Variants in ALK observed in about 807,000 individuals in gnomAD.
ALK encodes ALK tyrosine kinase receptor.
A neutral mutation model predicts 163.1 loss-of-function variants in ALK; 74 were observed. The observed-to-expected ratio is 0.45, with a 90% CI of 0.38 to 0.55. ALK has a LOEUF of 0.55. ALK is among the 20% of genes least tolerant of loss of function. The probability of loss-of-function intolerance (pLI) is 0.00; values close to 1 mark genes in which losing one functional copy is unlikely to be tolerated. For synonymous variants in ALK, 960 were observed against 843.2 expected, an observed-to-expected ratio of 1.14 and a Z score of -2.40; for missense variants, 2,063 against 2,105.3, an observed-to-expected ratio of 0.98 and a Z score of 0.39.
intron 1 of ALK, among the ~76,000 whole-genome samples, chr2:29,828,371 T>G (rs979988685): frequency 6.6e-6 from 1 of 151,932 alleles, no homozygotes; most frequent in African/African-American, 2.4e-5. Flanking sequence ...ACCATCAGAG[T>G]GAACAGGCAA....
rs573553266 is a variant in ALK at position 29,846,077 on chromosome 2, T to G, written c.667+73916A>C. Among the ~76,000 whole-genome samples, 3 of 152,352 alleles carry G rather than the reference T, an allele frequency of 2.0e-5. No homozygotes were observed. In the East Asian group the frequency reaches 5.8e-4, roughly 29 times the overall value. On this transcript the variant is annotated intron_variant, in intron 1 of 28. Transcript: ENST00000389048. ...TAAAAAAGAAATCTGGTTTTGGGCT[T>G]GGGAGTGTGATGTTCTGTGATCAGC...
At chr2:29,515,554 C>T (rs1313869446) in intron 4 of ALK, among the ~76,000 whole-genome samples, 4 of 151,582 alleles carry the variant, frequency 2.6e-5, no homozygotes, top group Admixed American at 1.3e-4. Context: ...AAGACCTCAC[C>T]AAGATGGTAG....
chr2:29,404,687 A>G (rs193094015), intron 4 of ALK, among the ~76,000 whole-genome samples: 32 of 152,352 alleles, frequency 2.1e-4, no homozygotes, highest in Admixed American at 1.2e-3. Context: ...TACTGGACAG[A>G]GATGATGAGA....
intron 11 of ALK, among the ~76,000 whole-genome samples, chr2:29,263,766 C>G (rs1665145798): frequency 6.6e-6 from 1 of 152,154 alleles, no homozygotes; most frequent in African/African-American, 2.4e-5. Flanking sequence ...GAAGAAAAGG[C>G]CAAGAGGATC....
intron 4 of ALK, among the ~76,000 whole-genome samples, chr2:29,460,819 A>G (rs1053697663): frequency 1.3e-5 from 2 of 152,264 alleles, no homozygotes; most frequent in South Asian, 2.1e-4. Context: ...AGGAAGCGTC[A>G]TATGTCTTTA....
intron 3 of ALK, among the ~76,000 whole-genome samples, chr2:29,562,160 G>A (rs1046818195): frequency 6.6e-6 from 1 of 152,188 alleles, no homozygotes. Context: ...GGTGGGTGCC[G>A]TCTGTGGCTT....
intron 8 of ALK, among the ~76,000 whole-genome samples, chr2:29,310,241 CT>C (rs1573215576): frequency 1.3e-5 from 2 of 152,206 alleles, no homozygotes; most frequent in East Asian, 3.9e-4. Context: ...AGCAGGGTGA[CT>C]TTGGGCAGTC....
rs114564083 is a variant in ALK at position 29,741,234 on chromosome 2, G to C, written c.668-23537C>G. ...TAAATAGGTGGACCACAGAGGATTT[G>C]GGGGGCAATGAAACTACTCTCTATG... On this transcript the variant is annotated intron_variant, in intron 1 of 28. Coordinates refer to ENST00000389048, the MANE Select transcript of ALK (RefSeq NM_004304.5). Among the ~76,000 whole-genome samples, 1,330 of 152,226 alleles carry C rather than the reference G, an allele frequency of 8.7e-3. 19 individuals carry two copies. The highest frequency in any genetic ancestry group is 0.03 in the African/African-American group (1,241 of 41,534).
intron 3 of ALK, among the ~76,000 whole-genome samples, chr2:29,578,222 T>C (rs1250001398): frequency 3.3e-5 from 5 of 152,048 alleles, no homozygotes; most frequent in African/African-American, 1.2e-4. Flanking sequence ...TGCCTGCTGC[T>C]GTTCATGTAA....
intron 1 of ALK, among the ~76,000 whole-genome samples, chr2:29,735,748 C>A (rs1034137575): frequency 1.3e-5 from 2 of 151,988 alleles, no homozygotes; most frequent in Non-Finnish European, 2.9e-5. Context: ...GGAGCTTTTC[C>A]CCCTTTGCTC....
At chr2:29,582,316 G>A (rs1441963138) in intron 3 of ALK, among the ~76,000 whole-genome samples, 1 of 152,188 alleles carries the variant, frequency 6.6e-6, no homozygotes, top group Non-Finnish European at 1.5e-5. Context: ...CTACAAGAAT[G>A]GGTATCTCAC....
chr2:29,475,085 A>G (rs972487973), intron 4 of ALK, among the ~76,000 whole-genome samples: 1 of 152,040 alleles, frequency 6.6e-6, no homozygotes, highest in African/African-American at 2.4e-5. Context: ...CATCTTCCCT[A>G]TGAGTCTCTG....
At chr2:29,285,747 A>C (rs1665838055) in intron 9 of ALK, among the ~76,000 whole-genome samples, 1 of 149,140 alleles carries the variant, frequency 6.7e-6, no homozygotes, top group Admixed American at 6.7e-5. Context: ...ATTTTTAGTA[A>C]AGACGGGGTT....
chr2:29,368,162 C>G lies in ALK; in HGVS notation c.1282+15570G>C, dbSNP rs1233333352. Among the ~76,000 whole-genome samples the G allele has an allele frequency of 6.6e-5, 10 of 152,286 alleles. No individual in the cohort carries two copies. The East Asian group carries it at 1.9e-3, about 29-fold the overall frequency. On this transcript the variant is annotated intron_variant, in intron 5 of 28. Coordinates refer to ENST00000389048, the MANE Select transcript of ALK (RefSeq NM_004304.5). ...TAGGCTGTGGCACATGGATGACCCA[C>G]CTGGGTAATGGGAAGCCTTGCTTGA...
chr2:29,910,729 T>C (rs955666327), intron 1 of ALK, among the ~76,000 whole-genome samples: 6 of 152,192 alleles, frequency 3.9e-5, no homozygotes, highest in Non-Finnish European at 5.9e-5. Context: ...CACCTGAAAG[T>C]ATACCCAGTG....
At chr2:29,359,054 C>A in intron 5 of ALK, among the ~76,000 whole-genome samples, 1 of 150,676 alleles carries the variant, frequency 6.6e-6, no homozygotes, top group African/African-American at 2.4e-5. Context: ...TGCATTACAA[C>A]AATTGTTAAG....
chr2:29,654,930 A>G (rs1677142620), intron 3 of ALK, among the ~76,000 whole-genome samples: 1 of 152,158 alleles, frequency 6.6e-6, no homozygotes, highest in African/African-American at 2.4e-5. Flanking sequence ...ATCTGTTAAT[A>G]AAGAAAAGAT....
rs142327653 is a variant in ALK, at chr2:29,392,737, T to G, written c.1155-8878A>C. ...AGGAGTAGACTGATCATAACCACAG[T>G]TGTAAGAAAAACATAGTAGTAGAAA... On this transcript the variant is annotated intron_variant, in intron 4 of 28. Transcript: ENST00000389048. Among the ~76,000 whole-genome samples, 4 of 152,280 alleles carry G rather than the reference T, an allele frequency of 2.6e-5. No homozygotes were observed. The East Asian group carries it at 7.7e-4, about 29-fold the overall frequency.
intron 3 of ALK, among the ~76,000 whole-genome samples, chr2:29,554,986 G>A (rs888112643): frequency 1.3e-5 from 2 of 152,148 alleles, no homozygotes; most frequent in Non-Finnish European, 2.9e-5. Flanking sequence ...CTAAAAAGGG[G>A]AAGCATGAAT....
Sources: gnomAD v4.1 joint callset for allele counts (sites outside exome capture counted in the v4.1 genomes callset) on GRCh38, gnomAD v4.1.1 for gene constraint, MANE v1.5 for transcripts, NCBI Gene and HGNC (gene_info 2026-07-23, HGNC 2026-07-21) for gene names.